FUT8: variants seen among roughly 807,000 people sequenced by gnomAD.
The protein encoded by FUT8 is alpha-(1,6)-fucosyltransferase.
In FUT8, 29 loss-of-function variants were observed where a neutral mutation model predicts 71.3. The observed-to-expected ratio is 0.41, with a 90% CI of 0.30 to 0.55. FUT8 has a LOEUF of 0.55. Ranked by LOEUF, FUT8 falls within the 20% of genes least tolerant of loss-of-function variation. The pLI, the probability that FUT8 is intolerant of heterozygous loss-of-function variation, is 0.34. For synonymous variants in FUT8, 254 were observed against 239.3 expected (o/e 1.06, Z -0.57); for missense variants, 544 against 702.1 (o/e 0.77, Z 2.55).
In FUT8 at chr14:65,623,009, G is replaced by C. The variant is rs138362267; in HGVS notation, c.483-6483G>C. Among the ~76,000 whole-genome samples the C allele has an allele frequency of 9.5e-3, 1,417 of 149,898 alleles. 24 individuals carry two copies. Among genetic ancestry groups the C allele is most frequent in the African/African-American group, 0.033 (1,359 of 40,696 alleles). The stretch of plus-strand genomic sequence containing the variant: ...GGGCTAAAGTGATCCTCCTGCCTCA[G>C]CCTCCCGAGTAGCTGGGACTATAGG... On this transcript the variant is annotated intron_variant, in intron 5 of 10. Transcript: ENST00000673929.
intron 3 of FUT8, among the ~76,000 whole-genome samples, chr14:65,569,269 C>T (rs1235619119): frequency 1.3e-5 from 2 of 151,618 alleles, no homozygotes; most frequent in East Asian, 1.9e-4. Flanking sequence ...TTTGGAAAAC[C>T]CTCAGCTACT....
chr14:65,501,221 CAAACAA>C (rs2066640924), intron 2 of FUT8, among the ~76,000 whole-genome samples: 1 of 151,988 alleles, frequency 6.6e-6, no homozygotes, highest in Non-Finnish European at 1.5e-5. Flanking sequence ...TACAGAATTA[CAAACAA>C]AAACAAAAAA....
At chr14:65,572,998 T>G (rs1886565967) in intron 3 of FUT8, among the ~76,000 whole-genome samples, 1 of 152,128 alleles carries the variant, frequency 6.6e-6, no homozygotes, top group Non-Finnish European at 1.5e-5. Flanking sequence ...AGAATACACA[T>G]TTACCATTGA....
At chr14:65,586,788 A>G (rs1343658779) in intron 3 of FUT8, among the ~76,000 whole-genome samples, 3 of 152,226 alleles carry the variant, frequency 2.0e-5, no homozygotes, top group Non-Finnish European at 4.4e-5. Flanking sequence ...AATGTACTAT[A>G]TTTTAAAAGG....
At chr14:65,667,187 A>G (rs7148883) in intron 6 of FUT8, among the ~76,000 whole-genome samples, 9,216 of 152,174 alleles carry the variant, frequency 0.061, 322 homozygotes, top group Admixed American at 0.11. Context: ...GGCAGGCAAG[A>G]GAAAAAAATT....
the FUT8 span, among the ~76,000 whole-genome samples, chr14:65,393,770 C>T: frequency 2.0e-5 from 3 of 152,134 alleles, no homozygotes; most frequent in African/African-American, 7.2e-5. Flanking sequence ...CTGTATTAGT[C>T]TGTTCTCACA....
chr14:65,650,728 A>T (rs1270138318), intron 6 of FUT8, among the ~76,000 whole-genome samples: 1 of 139,556 alleles, frequency 7.2e-6, no homozygotes, highest in Non-Finnish European at 1.6e-5. Context: ...AAAAAAAAAA[A>T]ACAAAAAAAA....
chr14:65,698,857 A>T (rs1321841789), intron 7 of FUT8, among the ~76,000 whole-genome samples: 1 of 152,152 alleles, frequency 6.6e-6, no homozygotes, highest in Admixed American at 6.5e-5. Flanking sequence ...AACAAAATGA[A>T]TAGGTTTATG....
chr14:65,474,453 A>AAAAAAAAAAAAAAAAAAAAAAAAAAC, intron 2 of FUT8, among the ~76,000 whole-genome samples: 2 of 146,962 alleles, frequency 1.4e-5, no homozygotes, highest in Admixed American at 1.4e-4. Context: ...AAAAAAAAAA[A>AAAAAAAAAAAAAAAAAAAAAAAAAAC]AAAAGCCAGG....
At chr14:65,703,715 G>A (rs1324816938) in intron 7 of FUT8, among the ~76,000 whole-genome samples, 1 of 152,238 alleles carries the variant, frequency 6.6e-6, no homozygotes. Flanking sequence ...AAAGATGGGA[G>A]TGTGATGGTA....
the FUT8 span, among the ~76,000 whole-genome samples, chr14:65,397,593 T>C: frequency 1.3e-5 from 2 of 152,242 alleles, no homozygotes; most frequent in Non-Finnish European, 2.9e-5. This position sits in a 1 kb window ranked among gnomAD's most constrained non-coding sequence, Gnocchi z 4.2. Flanking sequence ...TGTTCCAGTC[T>C]GAGTGTGTCT....
At chr14:65,366,868 G>T in the FUT8 span, among the ~76,000 whole-genome samples, 5 of 152,284 alleles carry the variant, frequency 3.3e-5, no homozygotes, top group African/African-American at 1.2e-4. Flanking sequence ...ACACACCATG[G>T]TTCTGAAGAG....
At chr14:65,699,935 A>G (rs983669299) in intron 7 of FUT8, among the ~76,000 whole-genome samples, 3 of 152,224 alleles carry the variant, frequency 2.0e-5, no homozygotes, top group Admixed American at 6.5e-5. Context: ...AGCAGGTAGC[A>G]TCATCAGGCA....
chr14:65,577,430 T>A (rs906016755), intron 3 of FUT8, among the ~76,000 whole-genome samples: 4 of 152,148 alleles, frequency 2.6e-5, no homozygotes, highest in Non-Finnish European at 4.4e-5. Context: ...GGCTTTTTGA[T>A]CTTCAGTTTC....
At chr14:65,404,359 A>C in the FUT8 span, among the ~76,000 whole-genome samples, 2 of 150,970 alleles carry the variant, frequency 1.3e-5, no homozygotes, top group East Asian at 3.9e-4. Flanking sequence ...TTTTTAGTAG[A>C]GATGGGGTTT....
chr14:65,656,703 AGAGGAATCACACTGCCTGAGGAAACTG>A (rs1296485923), intron 6 of FUT8, among the ~76,000 whole-genome samples: 103 of 152,300 alleles, frequency 6.8e-4, no homozygotes, highest in African/African-American at 2.4e-3. Context: ...CCTCAAAAGT[AGAGGAATCACACTGCCTGAGGAAACTG>A]GAGGAATCAC....
chr14:65,431,714 G>T (rs779209141), intron 1 of FUT8, among the ~76,000 whole-genome samples: 18 of 150,220 alleles, frequency 1.2e-4, no homozygotes, highest in Admixed American at 4.6e-4. Context: ...AGCTTCTTCA[G>T]CTTTGCTTTT....
chr14:65,483,680 A>T lies in FUT8; in HGVS notation c.-228+27962A>T, dbSNP rs1018726869. On this transcript the variant is annotated intron_variant, in intron 2 of 10. Coordinates refer to ENST00000673929, the MANE Select transcript of FUT8 (RefSeq NM_001371533.1). The surrounding 1 kb of genome is among the most constrained non-coding windows in gnomAD (Gnocchi z 4.4). ...TATTAGGTTGATCTTTAAGTATTTT[A>T]TATTTTTTGATGCTTTTATAAATAT... 6.6e-5 allele frequency among the ~76,000 whole-genome samples: 10 copies of T among 151,922 alleles called. No individual in the cohort carries two copies. The highest frequency in any genetic ancestry group is 1.5e-4 in the Non-Finnish European group (10 of 67,960).
At chr14:65,553,678 A>C (rs1436680811) in intron 2 of FUT8, among the ~76,000 whole-genome samples, 1 of 150,312 alleles carries the variant, frequency 6.7e-6, no homozygotes, top group East Asian at 1.9e-4. Flanking sequence ...CATTTTATCC[A>C]GTGAAAGGTA....
Sources: allele counts gnomAD v4.1 joint callset (sites outside exome capture counted in the v4.1 genomes callset), GRCh38; gene constraint gnomAD v4.1.1; non-coding constraint Gnocchi (gnomAD v3.1); transcripts MANE v1.5; gene names NCBI Gene and HGNC (gene_info 2026-07-23, HGNC 2026-07-21).